GRID1: variants seen among roughly 807,000 people sequenced by gnomAD.
GRID1 encodes glutamate ionotropic receptor delta type subunit 1.
Under a neutral mutation model 98.0 loss-of-function variants are expected in GRID1, and 28 were observed. The ratio of observed to expected loss-of-function variants is 0.29; its 90% CI spans 0.21 to 0.39. GRID1 has a LOEUF of 0.39. Ranked by LOEUF, GRID1 falls within the 10% of genes least tolerant of loss-of-function variation. The pLI is 1.00. For synonymous variants in GRID1, 553 were observed against 538.5 expected (o/e 1.03, Z -0.37); for missense variants, 1,111 against 1,340.5 (o/e 0.83, Z 2.67).
intron 8 of GRID1, among the ~76,000 whole-genome samples, chr10:85,770,461 C>T (rs1215159260): frequency 2.6e-5 from 4 of 152,198 alleles, no homozygotes; most frequent in Non-Finnish European, 5.9e-5. Flanking sequence ...AGCAACGGAA[C>T]AAAGCTGGAC....
intron 8 of GRID1, among the ~76,000 whole-genome samples, chr10:85,820,740 TA>T (rs1160804874): frequency 6.6e-6 from 1 of 152,182 alleles, no homozygotes; most frequent in African/African-American, 2.4e-5. Context: ...TTATAATGGC[TA>T]AAAATTTTTA....
chr10:85,926,833 A>G (rs1179302678), intron 4 of GRID1, among the ~76,000 whole-genome samples: 1 of 152,228 alleles, frequency 6.6e-6, no homozygotes, highest in Non-Finnish European at 1.5e-5. Flanking sequence ...ATTTGAATCT[A>G]AAGTTACCAG....
chr10:85,773,503 T>A (rs538865791), intron 8 of GRID1, among the ~76,000 whole-genome samples: 1 of 152,098 alleles, frequency 6.6e-6, no homozygotes, highest in African/African-American at 2.4e-5. Flanking sequence ...GAAATAAAGG[T>A]TATTCAATTA....
intron 5 of GRID1, among the ~76,000 whole-genome samples, chr10:85,879,400 A>T (rs1177590341): frequency 6.6e-6 from 1 of 152,214 alleles, no homozygotes; most frequent in Non-Finnish European, 1.5e-5. Context: ...ATGTAAAAGA[A>T]CAGAAATTGT....
In GRID1 at chr10:86,332,505, T is replaced by C. The variant is rs568622463; in HGVS notation, c.235+31436A>G. Among the ~76,000 whole-genome samples the C allele has an allele frequency of 6.6e-5, 10 of 152,072 alleles. No homozygotes were observed. In the South Asian group the frequency reaches 2.1e-3, roughly 32 times the overall value. On this transcript the variant is annotated intron_variant, in intron 2 of 15. Coordinates refer to ENST00000327946, the MANE Select transcript of GRID1 (RefSeq NM_017551.3). ...TGGCTTGTGTCCTGCCTGGCCTGAC[T>C]CCTTTCCCTGCCTTCCCCAGGTGAA...
At chr10:85,866,748 G>A (rs779329058) in intron 6 of GRID1, among the ~76,000 whole-genome samples, 10 of 152,134 alleles carry the variant, frequency 6.6e-5, no homozygotes, top group East Asian at 1.9e-4. Flanking sequence ...GAACTGAGGC[G>A]CAGAATGATA....
chr10:85,640,513 C>T (rs944248323), intron 13 of GRID1, among the ~76,000 whole-genome samples: 1 of 152,224 alleles, frequency 6.6e-6, no homozygotes, highest in African/African-American at 2.4e-5. Context: ...CCCATATAAG[C>T]CTCGCCCTAC....
At chr10:86,350,793 G>C (rs953711837) in intron 2 of GRID1, among the ~76,000 whole-genome samples, 2 of 152,138 alleles carry the variant, frequency 1.3e-5, no homozygotes, top group African/African-American at 4.8e-5. Flanking sequence ...TTTGTGTTGA[G>C]AACATCCAAA....
At chr10:85,669,975 T>C (rs140619568) in intron 12 of GRID1, among the ~76,000 whole-genome samples, 4 of 152,364 alleles carry the variant, frequency 2.6e-5, no homozygotes, top group African/African-American at 7.2e-5. Flanking sequence ...ACCTGCATCA[T>C]AACAAGGTAT....
At chr10:85,963,555 G>A (rs1842298575) in intron 4 of GRID1, among the ~76,000 whole-genome samples, 1 of 152,110 alleles carries the variant, frequency 6.6e-6, no homozygotes, top group Non-Finnish European at 1.5e-5. Context: ...GGCCCCTGAT[G>A]ATCTCCCCAT....
intron 8 of GRID1, among the ~76,000 whole-genome samples, chr10:85,835,219 A>G (rs888215907): frequency 3.9e-5 from 6 of 152,240 alleles, no homozygotes; most frequent in African/African-American, 1.4e-4. Context: ...AGACAAGTCC[A>G]TAATTATAGT....
intron 12 of GRID1, among the ~76,000 whole-genome samples, chr10:85,693,358 A>C (rs1019583389): frequency 1.3e-5 from 2 of 152,162 alleles, no homozygotes; most frequent in Admixed American, 1.3e-4. Flanking sequence ...GTACAGTGAA[A>C]CTATTATGTA....
chr10:86,109,229 C>A (rs1844440381), intron 4 of GRID1, among the ~76,000 whole-genome samples: 1 of 152,206 alleles, frequency 6.6e-6, no homozygotes, highest in Non-Finnish European at 1.5e-5. Flanking sequence ...CCAGCGAGGG[C>A]CTCAGCCTAG....
chr10:85,976,052 G>A (rs936878179), intron 4 of GRID1, among the ~76,000 whole-genome samples: 2 of 152,136 alleles, frequency 1.3e-5, no homozygotes, highest in Non-Finnish European at 2.9e-5. Flanking sequence ...GGCAAGTGTT[G>A]TCTAATAGAT....
intron 4 of GRID1, among the ~76,000 whole-genome samples, chr10:85,965,040 T>C (rs1242517991): frequency 2.0e-5 from 3 of 152,118 alleles, no homozygotes; most frequent in Admixed American, 1.3e-4. Flanking sequence ...GAAAAAAAGC[T>C]CATCATCACT....
At chr10:86,069,176 C>T (rs1285763761) in intron 4 of GRID1, among the ~76,000 whole-genome samples, 2 of 152,106 alleles carry the variant, frequency 1.3e-5, no homozygotes, top group Non-Finnish European at 2.9e-5. Context: ...CAGGAGGGGG[C>T]TCTGCTCACC....
At chr10:85,881,721 C>T (rs1841028881) in intron 5 of GRID1, among the ~76,000 whole-genome samples, 1 of 152,138 alleles carries the variant, frequency 6.6e-6, no homozygotes, top group South Asian at 2.1e-4. Flanking sequence ...TGGGCAAGTG[C>T]TTCATGTCTA....
At chr10:86,074,771 A>G (rs1408972355) in intron 4 of GRID1, among the ~76,000 whole-genome samples, 2 of 152,226 alleles carry the variant, frequency 1.3e-5, no homozygotes, top group Non-Finnish European at 2.9e-5. Context: ...ATGTGTTATT[A>G]AAATTTGGCT....
chr10:85,770,461 C>G (rs1215159260), intron 8 of GRID1, among the ~76,000 whole-genome samples: 1 of 152,198 alleles, frequency 6.6e-6, no homozygotes, highest in East Asian at 1.9e-4. Flanking sequence ...AGCAACGGAA[C>G]AAAGCTGGAC....
Sources: gnomAD v4.1 joint callset for allele counts (sites outside exome capture counted in the v4.1 genomes callset) on GRCh38, gnomAD v4.1.1 for gene constraint, MANE v1.5 for transcripts, NCBI Gene and HGNC (gene_info 2026-07-23, HGNC 2026-07-21) for gene names.